Variants in RAB40C observed in about 807,000 individuals in gnomAD.
RAB40C encodes RAB40C, member RAS oncogene family, also known as ras-related protein Rab-40C.
Under a neutral mutation model 28.1 loss-of-function variants are expected in RAB40C, and 8 were observed. That is an observed-to-expected ratio of 0.28 (90% CI 0.17 to 0.51). RAB40C has a LOEUF of 0.51. RAB40C is among the 20% of genes least tolerant of loss of function. The pLI is 0.97. For missense variants in RAB40C, 288 were observed against 405.9 expected, an observed-to-expected ratio of 0.71 and a Z score of 2.50; for synonymous variants, 201 against 171.7, an observed-to-expected ratio of 1.17 and a Z score of -1.34.
intron 1 of RAB40C, among the ~76,000 whole-genome samples, chr16:590,984 A>G (rs1013329840): frequency 1.4e-5 from 2 of 144,538 alleles, no homozygotes; most frequent in Non-Finnish European, 3.0e-5. Flanking sequence ...TGGTCCCGGT[A>G]GAAGGCGTCA....
chr16:591,858 G>T (rs905369259), intron 1 of RAB40C, among the ~76,000 whole-genome samples: 8 of 152,224 alleles, frequency 5.3e-5, no homozygotes, highest in African/African-American at 1.9e-4. Context: ...GCCTCCCAAA[G>T]TGCTGGGATT....
chr16:624,060 G>A (rs116908261), intron 3 of RAB40C: 8 of 985,320 alleles, frequency 8.1e-6, no homozygotes, highest in East Asian at 2.3e-4. Flanking sequence ...GCATCTGCAC[G>A]GTACATTTCA....
intron 1 of RAB40C, among the ~76,000 whole-genome samples, chr16:591,108 C>T (rs2035986599): frequency 7.0e-6 from 1 of 143,530 alleles, no homozygotes; most frequent in Non-Finnish European, 1.5e-5. Flanking sequence ...GGTCTGGGAT[C>T]ATCTGGGGTC....
intron 1 of RAB40C, among the ~76,000 whole-genome samples, chr16:608,449 A>G (rs190581720): frequency 6.6e-6 from 1 of 152,320 alleles, no homozygotes; most frequent in Non-Finnish European, 1.5e-5. Context: ...CTGAAGGGCT[A>G]GGTGCTGTGC....
At chr16:596,291 A>C in intron 1 of RAB40C, 1 of 456,088 alleles carries the variant, frequency 2.2e-6, no homozygotes, top group South Asian at 1.5e-5. Flanking sequence ...CCTCGCAGGT[A>C]CTTTTGCCTC....
At position 626,018 on chromosome 16, in the gene RAB40C, G is replaced by GGTCA; in HGVS notation, c.464_467dup (p.Pro157GlnfsTer122). 1 of 1,613,434 alleles carries GGTCA rather than the reference G, an allele frequency of 6.2e-7. No homozygotes were observed. The stretch of plus-strand genomic sequence containing the variant: ...AGAAGAACTGCATGACCTTCTTTGA[G>GGTCA]GTCAGCCCCCTGTGCAACTTCAACG... On this transcript the variant is annotated frameshift_variant, in exon 5 of 6. Transcript: ENST00000248139. LOFTEE classifies it high-confidence loss of function.
intron 1 of RAB40C, among the ~76,000 whole-genome samples, chr16:607,579 G>A (rs1265593945): frequency 7.3e-5 from 11 of 151,526 alleles, no homozygotes; most frequent in African/African-American, 2.2e-4. Context: ...CTAGGCGGGC[G>A]GATCACAAGG....
At position 625,312 on chromosome 16, in the gene RAB40C, C is replaced by T; in HGVS notation, c.265-120C>T. On this transcript the variant is annotated intron_variant, in intron 3 of 5. Coordinates refer to ENST00000248139, the MANE Select transcript of RAB40C (RefSeq NM_021168.5). ...AGGGCATGGCTCATCTGCCCATCCG[C>T]CAAGTAATAAGCATCCTTGGCCCTG... 6 of 1,488,244 alleles carry T rather than the reference C, an allele frequency of 4.0e-6. No homozygotes were observed. The South Asian group carries it at 7.4e-5, about 18-fold the overall frequency. 92.2% of individuals were successfully genotyped at this position (1,488,244 alleles called of 1,614,324 possible).
At chr16:603,825 G>A (rs1222989862) in intron 1 of RAB40C, among the ~76,000 whole-genome samples, 1 of 152,066 alleles carries the variant, frequency 6.6e-6, no homozygotes, top group Non-Finnish European at 1.5e-5. Flanking sequence ...GCTTTTTCCT[G>A]TTCCAGACAT....
chr16:593,117 G>A (rs781305739), intron 1 of RAB40C, among the ~76,000 whole-genome samples: 7 of 152,230 alleles, frequency 4.6e-5, no homozygotes, highest in African/African-American at 7.2e-5. Context: ...GCTGTGGAAC[G>A]CGCTTTCTGT....
At chr16:613,333 G>C (rs1370667950) in intron 1 of RAB40C, among the ~76,000 whole-genome samples, 2 of 151,900 alleles carry the variant, frequency 1.3e-5, no homozygotes, top group African/African-American at 4.8e-5. Context: ...CTCGCCTGTA[G>C]AATCAAGAGC....
chr16:592,298 A>C (rs576062914), intron 1 of RAB40C, among the ~76,000 whole-genome samples: 1 of 152,064 alleles, frequency 6.6e-6, no homozygotes, highest in East Asian at 1.9e-4. Context: ...CACTCTCTCA[A>C]CTCGGGGGTT....
At position 590,449 on chromosome 16, in the gene RAB40C, CGGCGCGCGCTGCTA is replaced by C; in HGVS notation, c.142+17_142+30del. The C allele has an allele frequency of 6.4e-7, 1 of 1,560,100 alleles. No individual in the cohort carries two copies. The highest frequency in any genetic ancestry group is 2.5e-5 in the East Asian group (1 of 39,590). On this transcript the variant is annotated intron_variant, in intron 1 of 5. Coordinates refer to ENST00000248139, the MANE Select transcript of RAB40C (RefSeq NM_021168.5). ...TACAGTAACGGTAAGGCCCGGCCCG[CGGCGCGCGCTGCTA>C]CGCGGGGCCCGAGCCCGGCGAGCTG... is the stretch of plus-strand genomic sequence containing the variant.
At chr16:620,003 C>G (rs1011185306) in intron 3 of RAB40C, among the ~76,000 whole-genome samples, 1 of 152,216 alleles carries the variant, frequency 6.6e-6, no homozygotes, top group Non-Finnish European at 1.5e-5. Flanking sequence ...CCGTGCCATC[C>G]CTGTGAGAAC....
intron 1 of RAB40C, among the ~76,000 whole-genome samples, chr16:599,279 T>C (rs1770483878): frequency 6.6e-6 from 1 of 152,224 alleles, no homozygotes; most frequent in South Asian, 2.1e-4. Flanking sequence ...GGTGTCTGTG[T>C]CCTCAGGCTC....
intron 1 of RAB40C, among the ~76,000 whole-genome samples, chr16:594,824 T>TC (rs34408623): frequency 0.17 from 25,865 of 149,778 alleles, 2,425 homozygotes; most frequent in South Asian, 0.25. Flanking sequence ...CTTCCTTTTT[T>TC]TTTTTTTTTT....
rs1475520018 is a variant in RAB40C, at chr16:620,712, G to A, written c.264+2452G>A. ...GCCCCCCCCGATGGGCTCCACCGCG[G>A]GCATCCCAGCCCCCCGCCGACGGGC... On this transcript the variant is annotated intron_variant, in intron 3 of 5. Transcript: ENST00000248139. Among the ~76,000 whole-genome samples, 4 of 76,058 alleles carry A rather than the reference G, an allele frequency of 5.3e-5. No individual in the cohort carries two copies. In the Admixed American group the frequency reaches 5.8e-4, roughly 11 times the overall value. The allele number at this position is 76,058 out of a possible 152,430, so 49.9% of individuals were successfully genotyped here.
chr16:624,643 T>G (rs1413312797), intron 3 of RAB40C: 1 of 985,350 alleles, frequency 1.0e-6, no homozygotes, highest in East Asian at 1.1e-4. Context: ...TTCCATTACG[T>G]GAAGGTTTTG....
At chr16:625,625 C>A (rs1163066896) in intron 4 of RAB40C, 116 bp downstream of exon 4, 7 of 1,097,204 alleles carry the variant, frequency 6.4e-6, no homozygotes, top group Non-Finnish European at 8.0e-6. Context: ...GGCTCTGCAC[C>A]CTGCACTGTC....
Sources: gnomAD v4.1 joint callset for allele counts (sites outside exome capture counted in the v4.1 genomes callset) on GRCh38, gnomAD v4.1.1 for gene constraint, MANE v1.5 for transcripts, NCBI Gene and HGNC (gene_info 2026-07-23, HGNC 2026-07-21) for gene names.